The following LRRC4C variants were observed in gnomAD, a reference collection of about 807,000 sequenced individuals.
LRRC4C encodes leucine rich repeat containing 4C.
A neutral mutation model predicts 33.6 loss-of-function variants in LRRC4C; 5 were observed. The observed-to-expected ratio is 0.15, with a 90% confidence interval of 0.08 to 0.31. The LOEUF (loss-of-function observed/expected upper bound fraction) is 0.31, where lower values mean the gene tolerates loss of function less well. Among genes scored for constraint, LRRC4C ranks in the 10% least tolerant of loss-of-function variants. The pLI, the probability that LRRC4C is intolerant of heterozygous loss-of-function variation, is 1.00. For missense variants in LRRC4C, 560 were observed against 796.7 expected, an observed-to-expected ratio of 0.70 and a Z score of 3.58; for synonymous variants, 329 against 302.0, an observed-to-expected ratio of 1.09 and a Z score of -0.93.
chr11:40,673,079 T>A (rs1333383416), intron 2 of LRRC4C, among the ~76,000 whole-genome samples: 2 of 152,108 alleles, frequency 1.3e-5, no homozygotes, highest in Non-Finnish European at 2.9e-5. Flanking sequence ...ATTCTGATTA[T>A]GCATATTATT....
chr11:40,864,876 T>G (rs1954275485), intron 2 of LRRC4C, among the ~76,000 whole-genome samples: 1 of 152,192 alleles, frequency 6.6e-6, no homozygotes, highest in African/African-American at 2.4e-5. Context: ...GTAAAAGATA[T>G]TACACAAGGG....
chr11:40,634,119 G>A (rs184067193), intron 3 of LRRC4C, among the ~76,000 whole-genome samples: 2 of 152,298 alleles, frequency 1.3e-5, no homozygotes, highest in East Asian at 3.9e-4. Context: ...ACCAATGGAA[G>A]TATTAGTGTG....
chr11:40,740,408 G>A (rs1208433653), intron 2 of LRRC4C, among the ~76,000 whole-genome samples: 1 of 151,828 alleles, frequency 6.6e-6, no homozygotes, highest in East Asian at 1.9e-4. Flanking sequence ...CTGTTGTTGA[G>A]GAATTTTTAA....
chr11:40,492,907 T>C (rs1222646244), intron 3 of LRRC4C, among the ~76,000 whole-genome samples: 1 of 152,122 alleles, frequency 6.6e-6, no homozygotes, highest in Non-Finnish European at 1.5e-5. Flanking sequence ...GGATTTCTCT[T>C]TCTGCTACAT....
At chr11:40,580,788 A>G (rs1168412964) in intron 3 of LRRC4C, among the ~76,000 whole-genome samples, 1 of 152,238 alleles carries the variant, frequency 6.6e-6, no homozygotes, top group Non-Finnish European at 1.5e-5. Context: ...TAACTTGGAT[A>G]GACAGGATTT....
chr11:41,064,847 G>A (rs1230422780), intron 1 of LRRC4C, among the ~76,000 whole-genome samples: 1 of 152,172 alleles, frequency 6.6e-6, no homozygotes, highest in Non-Finnish European at 1.5e-5. Flanking sequence ...CCCAACCAAC[G>A]AAGCCCTGAG....
At chr11:40,913,360 G>A (rs888601838) in intron 2 of LRRC4C, among the ~76,000 whole-genome samples, 2 of 152,188 alleles carry the variant, frequency 1.3e-5, no homozygotes, top group African/African-American at 4.8e-5. Flanking sequence ...TTAGACCACA[G>A]TGCAATCAAA....
At chr11:41,325,578 TGTG>T (rs746359704) in intron 1 of LRRC4C, among the ~76,000 whole-genome samples, 6,796 of 63,320 alleles carry the variant, frequency 0.11, 341 homozygotes, top group South Asian at 0.15. Flanking sequence ...TTTTTTTTTT[TGTG>T]TGTGTGTGTG....
chr11:40,966,362 CT>C (rs932140452), intron 1 of LRRC4C, among the ~76,000 whole-genome samples: 4 of 151,892 alleles, frequency 2.6e-5, no homozygotes, highest in African/African-American at 9.7e-5. Flanking sequence ...CACTGAGGTT[CT>C]GTTCTTGCTG....
chr11:40,493,870 T>C (rs1174012151), intron 3 of LRRC4C, among the ~76,000 whole-genome samples: 1 of 152,172 alleles, frequency 6.6e-6, no homozygotes, highest in Non-Finnish European at 1.5e-5. Context: ...ATCTACTGTT[T>C]ACTGTTCTCC....
intron 3 of LRRC4C, among the ~76,000 whole-genome samples, chr11:40,451,764 G>T (rs1951899167): frequency 6.6e-6 from 1 of 152,144 alleles, no homozygotes. Flanking sequence ...CAAATTTGTA[G>T]AAACACAAAC....
intron 1 of LRRC4C, among the ~76,000 whole-genome samples, chr11:41,039,737 C>T (rs574016637): frequency 2.6e-5 from 4 of 152,106 alleles, no homozygotes; most frequent in Admixed American, 2.6e-4. Flanking sequence ...TAAGGAAACC[C>T]TTTTAGAGGA....
chr11:41,061,040 A>C (rs1031757920), intron 1 of LRRC4C, among the ~76,000 whole-genome samples: 3 of 151,966 alleles, frequency 2.0e-5, no homozygotes, highest in African/African-American at 4.8e-5. Context: ...AAATATCCCT[A>C]ATAACCTCTC....
intron 1 of LRRC4C, among the ~76,000 whole-genome samples, chr11:40,968,115 G>A (rs1851482924): frequency 6.6e-6 from 1 of 152,034 alleles, no homozygotes; most frequent in Non-Finnish European, 1.5e-5. Context: ...CCATAAGAAA[G>A]TGACATAGGC....
At chr11:41,358,148 G>A (rs2137640768) in intron 1 of LRRC4C, among the ~76,000 whole-genome samples, 1 of 152,120 alleles carries the variant, frequency 6.6e-6, no homozygotes, top group East Asian at 1.9e-4. Context: ...CATACCAAAG[G>A]AGAAAATACA....
intron 3 of LRRC4C, among the ~76,000 whole-genome samples, chr11:40,407,866 C>A (rs1413239188): frequency 6.6e-6 from 1 of 151,886 alleles, no homozygotes; most frequent in African/African-American, 2.4e-5. Flanking sequence ...AGCTGAAGAG[C>A]ACGAAAAGAA....
chr11:40,454,384 G>C (rs187173320), intron 3 of LRRC4C, among the ~76,000 whole-genome samples: 1 of 151,944 alleles, frequency 6.6e-6, no homozygotes, highest in Admixed American at 6.6e-5. Context: ...AGTAAACTTA[G>C]AGAATTTTTT....
intron 2 of LRRC4C, among the ~76,000 whole-genome samples, chr11:40,882,199 C>T (rs756728508): frequency 3.3e-5 from 5 of 152,084 alleles, no homozygotes; most frequent in Non-Finnish European, 5.9e-5. Context: ...CTGCTCTACA[C>T]AACCCCACAA....
At chr11:40,165,223 C>T (rs1175807963) in intron 5 of LRRC4C, among the ~76,000 whole-genome samples, 2 of 152,148 alleles carry the variant, frequency 1.3e-5, no homozygotes, top group East Asian at 1.9e-4. Context: ...TGTGTATACA[C>T]ATATATGTAT....
Sources: gnomAD v4.1 joint callset for allele counts (sites outside exome capture counted in the v4.1 genomes callset) on GRCh38, gnomAD v4.1.1 for gene constraint, MANE v1.5 for transcripts, NCBI Gene and HGNC (gene_info 2026-07-23, HGNC 2026-07-21) for gene names.